Variants in REV3L observed in about 807,000 individuals in gnomAD.
REV3L encodes the protein DNA polymerase zeta catalytic subunit.
REV3L carries 69 observed loss-of-function variants against 299.4 expected under a neutral mutation model. The observed-to-expected ratio is 0.23, with a 90% CI of 0.19 to 0.28. The LOEUF (loss-of-function observed/expected upper bound fraction) is 0.28. REV3L is among the 10% of genes least tolerant of loss of function. The pLI, the probability that REV3L is intolerant of heterozygous loss-of-function variation, is 1.00. For synonymous variants in REV3L, 1,238 were observed against 1,271.4 expected, an observed-to-expected ratio of 0.97 and a Z score of 0.56; for missense variants, 3,128 against 3,693.8, an observed-to-expected ratio of 0.85 and a Z score of 3.97.
chr6:111,351,498 G>A (rs931549205), intron 19 of REV3L, among the ~76,000 whole-genome samples, 178 bp downstream of exon 19: 1 of 152,126 alleles, frequency 6.6e-6, no homozygotes, highest in Admixed American at 6.5e-5. Flanking sequence ...AGTGAGACTA[G>A]AATATTTTTT....
rs537468716 is a variant in REV3L at position 111,337,993 on chromosome 6, G to A, written c.7539-2383C>T. Among the ~76,000 whole-genome samples, 73 of 152,226 alleles carry A rather than the reference G, an allele frequency of 4.8e-4. 1 individual carries two copies. The highest frequency in any genetic ancestry group is 1.7e-3 in the African/African-American group (72 of 41,550). ...ATGCCAAATGAGATACCAAAATAGTGAGACACCAACATAATTTCTGAAAAT... is the reference window on the plus strand; with the variant it reads ...ATGCCAAATGAGATACCAAAATAGTAAGACACCAACATAATTTCTGAAAAT... On this transcript the variant is annotated intron_variant, in intron 21 of 31. Transcript: ENST00000368802.
chr6:111,324,866 C>CT lies in REV3L; in HGVS notation c.8242-2189dup, dbSNP rs11346378. On this transcript the variant is annotated intron_variant, in intron 25 of 31. Coordinates refer to ENST00000368802, the MANE Select transcript of REV3L (RefSeq NM_001372078.1). ...GCCATGATTGGGGATGCTCAAAAGT[C>CT]TTTTTTTTTTTTTGAGATGGAGTCT... Among the ~76,000 whole-genome samples, 25 of 144,044 alleles carry CT rather than the reference C, an allele frequency of 1.7e-4. No individual in the cohort carries two copies. In the East Asian group the frequency reaches 3.4e-3, roughly 20 times the overall value. 94.5% of individuals were successfully genotyped at this position (144,044 alleles called of 152,430 possible).
intron 22 of REV3L, 28 bp from the exon 23 acceptor site, chr6:111,333,395 G>T: frequency 6.2e-7 from 1 of 1,609,080 alleles, no homozygotes; most frequent in African/African-American, 1.3e-5. Flanking sequence ...GGTGAGAAGA[G>T]AAGAAACACA....
chr6:111,409,560 C>A (rs1247593990), intron 3 of REV3L, among the ~76,000 whole-genome samples: 4 of 152,050 alleles, frequency 2.6e-5, no homozygotes, highest in Non-Finnish European at 5.9e-5. Flanking sequence ...CCATACAAAT[C>A]CCCTGAAAGG....
chr6:111,308,963 A>G (rs1194867929), intron 30 of REV3L, among the ~76,000 whole-genome samples: 1 of 152,196 alleles, frequency 6.6e-6, no homozygotes, highest in Non-Finnish European at 1.5e-5. Flanking sequence ...TTCCCCTTGC[A>G]GGGTGTGCGA....
At chr6:111,468,329 A>G in intron 1 of REV3L, among the ~76,000 whole-genome samples, 1 of 152,226 alleles carries the variant, frequency 6.6e-6, no homozygotes, top group East Asian at 1.9e-4. Context: ...TACTTAAATA[A>G]AAAGTAATCT....
In REV3L at chr6:111,373,367, C is replaced by T. The variant is rs755066126; in HGVS notation, c.4988G>A (p.Gly1663Glu). The T allele has an allele frequency of 6.2e-7, 1 of 1,613,364 alleles. No individual in the cohort carries two copies. The highest frequency in any genetic ancestry group is 1.6e-4 in the Middle Eastern group (1 of 6,082). ...CTGATCAGCTGGGACAAACTGACTT[C>T]CAGAATAAAAGCTACAAAATCCAGT... is the stretch of plus-strand genomic sequence containing the variant. Reference protein sequence around the residue: ...GQTGFCSFYSGSQFVPADQNL... With the variant: ...GQTGFCSFYSESQFVPADQNL... The change falls in exon 13 of 32, where the codon GGA (glycine) becomes GAA (glutamate). Residue 1663 changes from glycine to glutamate, a missense_variant. Physicochemically the swap from Gly to Glu is moderately conservative, Grantham distance 98 (BLOSUM62 -2). Transcript: ENST00000368802.
At chr6:111,398,987 CATG>C (rs1374369932) in intron 4 of REV3L, among the ~76,000 whole-genome samples, 10 of 152,140 alleles carry the variant, frequency 6.6e-5, no homozygotes, top group Non-Finnish European at 1.5e-4. Flanking sequence ...ATAAATTTCA[CATG>C]ATGCCTTCAA....
intron 1 of REV3L, chr6:111,471,872 G>C: frequency 3.7e-6 from 1 of 269,264 alleles, no homozygotes; most frequent in Non-Finnish European, 6.5e-6. Flanking sequence ...CTTTGGGAAT[G>C]GGCAAAGGAG....
At chr6:111,399,972 A>G (rs2128267247) in intron 4 of REV3L, among the ~76,000 whole-genome samples, 1 of 152,244 alleles carries the variant, frequency 6.6e-6, no homozygotes, top group East Asian at 1.9e-4. Flanking sequence ...TTCTACTTCT[A>G]TAGTTTTGCC....
At chr6:111,430,388 T>A in intron 1 of REV3L, 2 of 1,312,128 alleles carry the variant, frequency 1.5e-6, no homozygotes, top group Non-Finnish European at 2.2e-6. Context: ...TCAAGAACAA[T>A]GACTACCAGT....
intron 1 of REV3L, among the ~76,000 whole-genome samples, chr6:111,465,978 A>G (rs188496977): frequency 0.015 from 2,323 of 152,314 alleles, 25 homozygotes; most frequent in South Asian, 0.045. Context: ...CTCAAATGCC[A>G]TCTATGAACT....
At chr6:111,371,496 T>G (rs1176493537) in intron 13 of REV3L, among the ~76,000 whole-genome samples, 1 of 151,944 alleles carries the variant, frequency 6.6e-6, no homozygotes, top group African/African-American at 2.4e-5. Flanking sequence ...GCTCAAGTGA[T>G]TCTCCTTCCT....
intron 1 of REV3L, among the ~76,000 whole-genome samples, chr6:111,421,988 C>G (rs891675775): frequency 6.6e-6 from 1 of 152,088 alleles, no homozygotes; most frequent in South Asian, 2.1e-4. Context: ...AAAACTCAGT[C>G]ACAGAAAGTG....
At chr6:111,393,911 C>T (rs545216583) in intron 4 of REV3L, among the ~76,000 whole-genome samples, 2 of 152,240 alleles carry the variant, frequency 1.3e-5, no homozygotes, top group Non-Finnish European at 2.9e-5. Flanking sequence ...TTTCATTTAA[C>T]ATAATGATCT....
At position 111,299,358 on chromosome 6, in the gene REV3L, T is replaced by A. The variant is rs773427233; in HGVS notation, c.*658A>T. ...TGTAACAAAAATGTCTTTGCACAGT[T>A]CCTCACAATGCCCCATTAATAGCTA... On this transcript the variant is annotated 3_prime_UTR_variant, in exon 32 of 32. Coordinates refer to ENST00000368802, the MANE Select transcript of REV3L (RefSeq NM_001372078.1). The A allele has an allele frequency of 6.6e-6, 1 of 152,336 alleles. No individual in the cohort carries two copies. Among genetic ancestry groups the A allele is most frequent in the Non-Finnish European group, 1.5e-5 (1 of 68,002 alleles). The allele number at this position is 152,336 out of a possible 1,614,324, so 9.4% of individuals were successfully genotyped here.
chr6:111,323,978 G>GATTT (rs201311593), intron 25 of REV3L, among the ~76,000 whole-genome samples: 3 of 152,022 alleles, frequency 2.0e-5, no homozygotes, highest in African/African-American at 7.3e-5. Flanking sequence ...AACGAGTTGG[G>GATTT]ATTTATTTAT....
At chr6:111,366,153 G>A (rs1779175574) in intron 14 of REV3L, among the ~76,000 whole-genome samples, 1 of 152,170 alleles carries the variant, frequency 6.6e-6, no homozygotes, top group Admixed American at 6.6e-5. Flanking sequence ...CTGAAAGAAG[G>A]CCAGATGGGT....
Position 111,310,115 on chromosome 6 carries a change from G to GA in REV3L, c.8796-17dup, listed in dbSNP as rs777513477. 6 of 1,493,866 alleles carry GA rather than the reference G, an allele frequency of 4.0e-6. No homozygotes were observed. In the South Asian group the frequency reaches 4.3e-5, roughly 11 times the overall value. 92.5% of individuals were successfully genotyped at this position (1,493,866 alleles called of 1,614,324 possible). ...CAGCATTTTCCTATTCGAATTCAAA[G>GA]AAAAAAACCACACCCAAATACTGTT... On this transcript the variant is annotated splice_polypyrimidine_tract_variant and intron_variant, in intron 29 of 31. Coordinates refer to ENST00000368802, the MANE Select transcript of REV3L (RefSeq NM_001372078.1).
Sources: allele counts gnomAD v4.1 joint callset (sites outside exome capture counted in the v4.1 genomes callset), GRCh38; gene constraint gnomAD v4.1.1; transcripts MANE v1.5; gene names NCBI Gene and HGNC (gene_info 2026-07-23, HGNC 2026-07-21).